Variants in PTPRD observed in about 807,000 individuals in gnomAD.
The protein encoded by PTPRD is receptor-type tyrosine-protein phosphatase delta.
In PTPRD, 34 loss-of-function variants were observed where a neutral mutation model predicts 214.5. The observed-to-expected ratio is 0.16, with a 90% CI of 0.12 to 0.21. The LOEUF is 0.21. PTPRD is among the 10% of genes least tolerant of loss of function. The pLI, the probability that PTPRD is intolerant of heterozygous loss-of-function variation, is 1.00. For missense variants in PTPRD, 2,545 were observed against 2,398.7 expected, an observed-to-expected ratio of 1.06 and a Z score of -1.27; for synonymous variants, 1,128 against 845.7, an observed-to-expected ratio of 1.33 and a Z score of -5.79.
intron 11 of PTPRD, among the ~76,000 whole-genome samples, chr9:8,934,239 T>A (rs1205688963): frequency 6.6e-6 from 1 of 150,432 alleles, no homozygotes; most frequent in African/African-American, 2.4e-5. Context: ...CTAAACAATT[T>A]ACATGAAAAT....
At chr9:10,061,500 A>G (rs961395769) in intron 3 of PTPRD, among the ~76,000 whole-genome samples, 1 of 152,028 alleles carries the variant, frequency 6.6e-6, no homozygotes, top group South Asian at 2.1e-4. Flanking sequence ...TCTCAGCTCA[A>G]ATGAGATTGC....
At chr9:9,304,243 A>G (rs1235905384) in intron 9 of PTPRD, among the ~76,000 whole-genome samples, 2 of 152,132 alleles carry the variant, frequency 1.3e-5, no homozygotes, top group East Asian at 3.9e-4. Flanking sequence ...TTGTTATGGG[A>G]AAAAGAAAAG....
At chr9:9,197,989 T>C (rs1270137333) in intron 9 of PTPRD, among the ~76,000 whole-genome samples, 2 of 152,254 alleles carry the variant, frequency 1.3e-5, no homozygotes, top group African/African-American at 4.8e-5. Context: ...AGGACTAATC[T>C]AGAAAAATAA....
intron 2 of PTPRD, among the ~76,000 whole-genome samples, chr9:10,418,446 TACACACACACACACACACACAC>T (rs3076350): frequency 2.5e-4 from 31 of 124,734 alleles, no homozygotes; most frequent in South Asian, 5.9e-4. Context: ...CCTTCCCCTC[TACACACACACACACACACACAC>T]ACACACACAC....
intron 7 of PTPRD, among the ~76,000 whole-genome samples, chr9:9,658,143 A>C (rs1161462081): frequency 6.6e-6 from 1 of 152,090 alleles, no homozygotes; most frequent in South Asian, 2.1e-4. Context: ...GCATTATCTA[A>C]ATGGAGAATT....
chr9:10,104,420 C>A (rs1162883547), intron 3 of PTPRD, among the ~76,000 whole-genome samples: 1 of 151,666 alleles, frequency 6.6e-6, no homozygotes, highest in Admixed American at 6.6e-5. Context: ...CACGAACACA[C>A]ATATGCACAC....
chr9:8,526,726 G>A (rs2074258338), intron 16 of PTPRD, 82 bp from the exon 17 acceptor site: 1 of 1,128,272 alleles, frequency 8.9e-7, no homozygotes, highest in East Asian at 2.5e-5. Flanking sequence ...CTGGGGAGAA[G>A]AATTAAATTA....
chr9:8,708,275 G>C (rs1234562443), intron 12 of PTPRD, among the ~76,000 whole-genome samples: 1 of 152,140 alleles, frequency 6.6e-6, no homozygotes, highest in Non-Finnish European at 1.5e-5. Flanking sequence ...AAAGGTAGGT[G>C]TTGGTGAGGA....
At chr9:8,538,936 C>A (rs893247321) in intron 14 of PTPRD, among the ~76,000 whole-genome samples, 4 of 151,572 alleles carry the variant, frequency 2.6e-5, no homozygotes, top group Non-Finnish European at 4.4e-5. Context: ...CTGGAACAAG[C>A]AAAGAATGAG....
intron 3 of PTPRD, among the ~76,000 whole-genome samples, chr9:10,160,155 T>C (rs2099118749): frequency 6.6e-6 from 1 of 151,966 alleles, no homozygotes; most frequent in Non-Finnish European, 1.5e-5. Context: ...TGATATTCCA[T>C]ACAACTGGAA....
intron 12 of PTPRD, among the ~76,000 whole-genome samples, chr9:8,644,681 G>A (rs985864651): frequency 3.3e-5 from 5 of 152,170 alleles, no homozygotes; most frequent in African/African-American, 4.8e-5. Context: ...CTGCTGTGGT[G>A]CTCCTGGTCC....
intron 34 of PTPRD, among the ~76,000 whole-genome samples, chr9:8,446,905 A>G (rs949207706): frequency 1.3e-5 from 2 of 152,190 alleles, no homozygotes; most frequent in African/African-American, 4.8e-5. Context: ...CTCTCATCCT[A>G]TTGGCAAGTA....
At chr9:9,462,701 CT>C (rs2093769213) in intron 8 of PTPRD, among the ~76,000 whole-genome samples, 1 of 152,096 alleles carries the variant, frequency 6.6e-6, no homozygotes, top group South Asian at 2.1e-4. Flanking sequence ...AAATGCTGTA[CT>C]TTTCCAGTTT....
intron 3 of PTPRD, among the ~76,000 whole-genome samples, chr9:10,208,225 G>A (rs294802): frequency 0.35 from 52,563 of 152,166 alleles, 10,360 homozygotes; most frequent in African/African-American, 0.53. Context: ...GTATAAGACT[G>A]AAACCGCGGC....
intron 27 of PTPRD, 45 bp from the exon 28 acceptor site, chr9:8,486,394 T>A (rs2097011750): frequency 6.6e-7 from 1 of 1,507,486 alleles, no homozygotes; most frequent in Admixed American, 1.7e-5. Context: ...AATCTGAACG[T>A]TCACATTTCA....
intron 8 of PTPRD, among the ~76,000 whole-genome samples, chr9:9,438,010 TA>T (rs1321970243): frequency 4.6e-5 from 7 of 152,176 alleles, no homozygotes; most frequent in Middle Eastern, 3.2e-3. Flanking sequence ...GGGTCTGTTC[TA>T]GGCCTTTCTC....
At chr9:10,214,668 G>T (rs1366689742) in intron 3 of PTPRD, among the ~76,000 whole-genome samples, 2 of 151,964 alleles carry the variant, frequency 1.3e-5, no homozygotes, top group Non-Finnish European at 2.9e-5. Flanking sequence ...CTAACACAAG[G>T]CCTGCCTCTA....
At chr9:8,918,149 G>C (rs1777259300) in intron 11 of PTPRD, among the ~76,000 whole-genome samples, 1 of 152,116 alleles carries the variant, frequency 6.6e-6, no homozygotes. Flanking sequence ...CACTGAGAAA[G>C]GTTGCTTATT....
chr9:8,389,702 CA>C (rs900704143), intron 36 of PTPRD, among the ~76,000 whole-genome samples: 21 of 151,510 alleles, frequency 1.4e-4, no homozygotes, highest in African/African-American at 4.6e-4. Flanking sequence ...GTTGCACTGG[CA>C]AAAAAAATAG....
Sources: gnomAD v4.1 joint callset for allele counts (sites outside exome capture counted in the v4.1 genomes callset) on GRCh38, gnomAD v4.1.1 for gene constraint, MANE v1.5 for transcripts, NCBI Gene and HGNC (gene_info 2026-07-23, HGNC 2026-07-21) for gene names.